The following PIK3C2G variants were observed in gnomAD, a reference collection of about 807,000 sequenced individuals.
The protein encoded by PIK3C2G is phosphatidylinositol-4-phosphate 3-kinase catalytic subunit type 2 gamma.
PIK3C2G carries 168 observed loss-of-function variants against 181.1 expected under a neutral mutation model. The ratio of observed to expected loss-of-function variants is 0.93; its 90% CI spans 0.82 to 1.05. The LOEUF (loss-of-function observed/expected upper bound fraction) is 1.05. PIK3C2G is among the 50% of genes least tolerant of loss of function. PIK3C2G has a pLI of 0.00. For synonymous variants in PIK3C2G, 573 were observed against 592.2 expected (o/e 0.97, Z 0.47); for missense variants, 1,869 against 1,732.8 (o/e 1.08, Z -1.40).
intron 1 of PIK3C2G, among the ~76,000 whole-genome samples, chr12:18,278,372 A>G (rs1477092360): frequency 6.6e-6 from 1 of 152,192 alleles, no homozygotes; most frequent in Non-Finnish European, 1.5e-5. Flanking sequence ...ATATCACAGC[A>G]GTCTGATCTC....
intron 24 of PIK3C2G, among the ~76,000 whole-genome samples, chr12:18,505,781 T>C (rs1941788481): frequency 6.6e-6 from 1 of 152,212 alleles, no homozygotes; most frequent in Admixed American, 6.5e-5. Flanking sequence ...GAGGTATGAA[T>C]TGATGATCTC....
intron 31 of PIK3C2G, among the ~76,000 whole-genome samples, chr12:18,623,874 T>C (rs181332088): frequency 6.6e-5 from 10 of 151,946 alleles, no homozygotes; most frequent in Non-Finnish European, 1.3e-4. Context: ...GATTTTTACA[T>C]GTTGATTTTG....
chr12:18,463,442 A>G (rs991496317), intron 18 of PIK3C2G, among the ~76,000 whole-genome samples: 3 of 152,148 alleles, frequency 2.0e-5, no homozygotes, highest in African/African-American at 7.2e-5. Flanking sequence ...TTAATGCCTC[A>G]ATCCAGGTTT....
At chr12:18,685,902 C>T in the PIK3C2G span, among the ~76,000 whole-genome samples, 75,193 of 151,062 alleles carry the variant, frequency 0.5, 21,465 homozygotes, top group South Asian at 0.67. Context: ...TAAGAGAAAG[C>T]CCTCACTTTC....
chr12:18,599,531 G>C (rs1235913372), intron 30 of PIK3C2G, among the ~76,000 whole-genome samples: 1 of 151,968 alleles, frequency 6.6e-6, no homozygotes, highest in African/African-American at 2.4e-5. Context: ...ATAGCACTGG[G>C]AGATATACCT....
intron 2 of PIK3C2G, among the ~76,000 whole-genome samples, chr12:18,285,912 TA>T (rs1474951177): frequency 6.6e-6 from 1 of 150,846 alleles, no homozygotes; most frequent in Non-Finnish European, 1.5e-5. Flanking sequence ...ACAAATGAGA[TA>T]AAAAAGGAAG....
At chr12:18,713,502 A>G in the PIK3C2G span, among the ~76,000 whole-genome samples, 11 of 152,198 alleles carry the variant, frequency 7.2e-5, no homozygotes, top group African/African-American at 2.7e-4. Flanking sequence ...AAGATAAAGC[A>G]TGACAATACT....
chr12:18,377,693 C>CT (rs942854880), intron 13 of PIK3C2G, among the ~76,000 whole-genome samples: 3 of 152,102 alleles, frequency 2.0e-5, no homozygotes, highest in African/African-American at 7.2e-5. Context: ...ATATGAAAGT[C>CT]TTTTTTTGTG....
At chr12:18,388,966 G>T (rs561579646) in intron 14 of PIK3C2G, among the ~76,000 whole-genome samples, 29 of 152,268 alleles carry the variant, frequency 1.9e-4, no homozygotes, top group African/African-American at 6.7e-4. Context: ...AATAAGGAGT[G>T]CATCCTCAAG....
intron 31 of PIK3C2G, among the ~76,000 whole-genome samples, chr12:18,615,330 G>GGTGTGT (rs3055216): frequency 0.027 from 3,703 of 138,128 alleles, 170 homozygotes; most frequent in African/African-American, 0.094. Flanking sequence ...AGTATTCCAC[G>GGTGTGT]GTGTGTGTGT....
intron 18 of PIK3C2G, among the ~76,000 whole-genome samples, chr12:18,426,639 T>G (rs1004593468): frequency 6.6e-6 from 1 of 152,178 alleles, no homozygotes; most frequent in African/African-American, 2.4e-5. Flanking sequence ...TTTAGTTGCT[T>G]TGATTGATAG....
At chr12:18,286,414 C>A (rs909159180) in intron 2 of PIK3C2G, among the ~76,000 whole-genome samples, 1 of 151,918 alleles carries the variant, frequency 6.6e-6, no homozygotes, top group Non-Finnish European at 1.5e-5. Context: ...TACTAATCAG[C>A]AATAACAATG....
intron 29 of PIK3C2G, among the ~76,000 whole-genome samples, chr12:18,591,895 AC>A (rs1282236149): frequency 1.3e-5 from 2 of 151,904 alleles, no homozygotes; most frequent in Non-Finnish European, 2.9e-5. Flanking sequence ...ATATTAGTAT[AC>A]CTGGAAGAAG....
At chr12:18,443,827 A>T (rs1946875294) in intron 18 of PIK3C2G, among the ~76,000 whole-genome samples, 1 of 152,222 alleles carries the variant, frequency 6.6e-6, no homozygotes, top group Non-Finnish European at 1.5e-5. Context: ...CATTAGAAAG[A>T]TTCTCTAAAA....
rs576778481 is a variant in PIK3C2G at position 18,573,824 on chromosome 12, G to C, written c.4011+6767G>C. Among the ~76,000 whole-genome samples, 9 of 152,184 alleles carry C rather than the reference G, an allele frequency of 5.9e-5. No individual in the cohort carries two copies. The South Asian group carries it at 1.9e-3, about 32-fold the overall frequency. ...TTCTCTCATAGGTTGCTATTGTAGG[G>C]TCTCAGTCTGTGGTCACTTTCCAGC... is the stretch of plus-strand genomic sequence containing the variant. On this transcript the variant is annotated intron_variant, in intron 29 of 32. Transcript: ENST00000538779.
At chr12:18,516,218 G>A (rs868433183) in intron 24 of PIK3C2G, among the ~76,000 whole-genome samples, 5 of 145,822 alleles carry the variant, frequency 3.4e-5, no homozygotes, top group Non-Finnish European at 3.0e-5. Flanking sequence ...TCTCCATGAT[G>A]TTTTAAGAAT....
At chr12:18,264,091 C>T (rs960163073) in intron 1 of PIK3C2G, among the ~76,000 whole-genome samples, 1 of 151,924 alleles carries the variant, frequency 6.6e-6, no homozygotes, top group African/African-American at 2.4e-5. Flanking sequence ...TGCTTCCTAC[C>T]GGTAGAAAAT....
the PIK3C2G span, chr12:18,712,869 G>A: frequency 1.2e-6 from 2 of 1,613,686 alleles, no homozygotes; most frequent in South Asian, 1.1e-5. Flanking sequence ...GTATAGCTTG[G>A]ATAACAGTTT....
the PIK3C2G span, among the ~76,000 whole-genome samples, chr12:18,700,512 CAAAA>C: frequency 1.6e-4 from 11 of 67,900 alleles, no homozygotes; most frequent in Admixed American, 2.5e-4. Context: ...AGCCAACGTA[CAAAA>C]AAAAAAAAAA....
Sources: allele counts gnomAD v4.1 joint callset (sites outside exome capture counted in the v4.1 genomes callset), GRCh38; gene constraint gnomAD v4.1.1; transcripts MANE v1.5; gene names NCBI Gene and HGNC (gene_info 2026-07-23, HGNC 2026-07-21).